WNK3: variants seen among roughly 807,000 people sequenced by gnomAD.
WNK3 encodes serine/threonine-protein kinase WNK3.
In WNK3, 18 loss-of-function variants were observed where a neutral mutation model predicts 116.7. The observed-to-expected ratio is 0.15, with a 90% CI of 0.11 to 0.23. The LOEUF (loss-of-function observed/expected upper bound fraction) is 0.23, where lower values mean the gene tolerates loss of function less well. Among genes scored for constraint, WNK3 ranks in the 10% least tolerant of loss-of-function variants. WNK3 has a pLI of 1.00. For missense variants in WNK3, 993 were observed against 1,323.8 expected, an observed-to-expected ratio of 0.75 and a Z score of 3.88; for synonymous variants, 404 against 469.4, an observed-to-expected ratio of 0.86 and a Z score of 1.80.
Position 54,356,466 on chromosome X carries a change from A to T in WNK3, c.-120+1220T>A, listed in dbSNP as rs143678883. Among the ~76,000 whole-genome samples, 388 of 110,794 alleles carry T rather than the reference A, an allele frequency of 3.5e-3. 2 individuals carry two copies. The highest frequency in any genetic ancestry group is 9.3e-3 in the Middle Eastern group (2 of 215). ...GCTGGGATTACAGGCACGCTCCACC[A>T]CGCCCGGCTAAGCTTTAGTGCATTT... On this transcript the variant is annotated intron_variant, in intron 1 of 23. Coordinates refer to ENST00000354646, the Ensembl canonical transcript of WNK3.
At chrX:54,327,258 C>A (rs1300821247) in intron 2 of WNK3, among the ~76,000 whole-genome samples, 1 of 111,378 alleles carries the variant, frequency 9.0e-6, no homozygotes, top group Non-Finnish European at 1.9e-5. Flanking sequence ...AGAATTATTA[C>A]ACAATTTGCC....
At chrX:54,238,773 GA>G in intron 18 of WNK3, 94 bp downstream of exon 18, 1 of 703,931 alleles carries the variant, frequency 1.4e-6, no homozygotes, top group Non-Finnish European at 2.0e-6. Flanking sequence ...GGGCTATGTG[GA>G]AAAAGTGGCA....
chrX:54,199,203 C>T (rs1175164899), intron 23 of WNK3, among the ~76,000 whole-genome samples: 4 of 110,241 alleles, frequency 3.6e-5, no homozygotes, highest in East Asian at 2.8e-4. Context: ...GCTCACATTC[C>T]GCATCTCGGT....
intron 1 of WNK3, among the ~76,000 whole-genome samples, chrX:54,338,208 G>A (rs1213931478): frequency 9.0e-6 from 1 of 110,712 alleles, no homozygotes; most frequent in Non-Finnish European, 1.9e-5. Flanking sequence ...GTTACCTGAG[G>A]TCAGAAGTTC....
chrX:54,247,511 T>G (rs1256147786), intron 17 of WNK3, among the ~76,000 whole-genome samples: 1 of 109,939 alleles, frequency 9.1e-6, no homozygotes, highest in Non-Finnish European at 1.9e-5. Flanking sequence ...TGTATCTATA[T>G]CTATATAAAG....
At chrX:54,293,224 C>G in exon 9 of WNK3, 1 of 1,210,743 alleles carries the variant, frequency 8.3e-7, no homozygotes, top group Non-Finnish European at 1.1e-6. Flanking sequence ...TATTAGAAAC[C>G]ATTTGAGAGC....
intron 2 of WNK3, among the ~76,000 whole-genome samples, chrX:54,321,678 G>A (rs1157155428): frequency 9.0e-6 from 1 of 111,396 alleles, no homozygotes; most frequent in Non-Finnish European, 1.9e-5. Flanking sequence ...AAAAGTGCTT[G>A]GCTGAGCGCG....
At position 54,326,129 on chromosome X, in the gene WNK3, T is replaced by C. The variant is rs1476392370; in HGVS notation, c.537+7008A>G. Among the ~76,000 whole-genome samples the C allele has an allele frequency of 1.3e-4, 14 of 107,683 alleles. No homozygotes were observed. In the Admixed American group the frequency reaches 1.4e-3, roughly 11 times the overall value. The allele number at this position is 107,683 out of a possible 115,157, so 93.5% of individuals were successfully genotyped here. A position where few individuals can be genotyped will look rare whatever the true frequency, so the allele number is the denominator to read the frequency against. Reference sequence around the variant, plus strand: ...TTTTTGAGATGAAGTCTCGCTCTGTTGCCCAGGCTGGAGTGCAGTAGCGTG... The same window carrying C: ...TTTTTGAGATGAAGTCTCGCTCTGTCGCCCAGGCTGGAGTGCAGTAGCGTG... On this transcript the variant is annotated intron_variant, in intron 2 of 23. Coordinates refer to ENST00000354646, the Ensembl canonical transcript of WNK3.
chrX:54,324,938 T>C (rs1254514590), intron 2 of WNK3, among the ~76,000 whole-genome samples: 2 of 112,340 alleles, frequency 1.8e-5, no homozygotes, highest in African/African-American at 6.4e-5. Context: ...GTAATAGGGC[T>C]AATGTCTCAA....
At chrX:54,237,407 T>A (rs1557150463) in exon 20 of WNK3, 1 of 1,209,752 alleles carries the variant, frequency 8.3e-7, no homozygotes, top group Non-Finnish European at 1.1e-6. Flanking sequence ...GGATTTTGTG[T>A]GGCAGGTTCT....
At chrX:54,325,725 T>C (rs1323427129) in intron 2 of WNK3, among the ~76,000 whole-genome samples, 2 of 98,541 alleles carry the variant, frequency 2.0e-5, no homozygotes, top group Non-Finnish European at 4.1e-5. Context: ...TTCCATTATA[T>C]GAAGAAAACA....
At position 54,213,427 on chromosome X, in the gene WNK3, G is replaced by A. The variant is rs2516041; in HGVS notation, c.4871-11234C>T. Among the ~76,000 whole-genome samples, 219 of 107,045 alleles carry A rather than the reference G, an allele frequency of 2.0e-3. 1 individual carries two copies. Among genetic ancestry groups the A allele is most frequent in the African/African-American group, 6.8e-3 (199 of 29,093 alleles). 93.0% of individuals were successfully genotyped at this position (107,045 alleles called of 115,157 possible). On this transcript the variant is annotated intron_variant, in intron 22 of 23. Coordinates refer to ENST00000354646, the Ensembl canonical transcript of WNK3. The stretch of plus-strand genomic sequence containing the variant: ...AAATTAGCTGGGCGAAGTGGTGGGC[G>A]CCTGTAATCTCTGCTACTCGGGAGG...
intron 10 of WNK3, among the ~76,000 whole-genome samples, chrX:54,267,211 GA>G (rs1348990688): frequency 9.0e-6 from 1 of 111,012 alleles, no homozygotes; most frequent in Non-Finnish European, 1.9e-5. Context: ...TACACCATAG[GA>G]AACTATGAAG....
At position 54,221,954 on chromosome X, in the gene WNK3, C is replaced by T. The variant is rs1355500085; in HGVS notation, c.4870+6760G>A. Among the ~76,000 whole-genome samples the T allele has an allele frequency of 2.7e-5, 3 of 111,516 alleles. No homozygotes were observed. The East Asian group carries it at 8.5e-4, about 31-fold the overall frequency. On this transcript the variant is annotated intron_variant, in intron 22 of 23. Coordinates refer to ENST00000354646, the Ensembl canonical transcript of WNK3. ...GGTGGATCACCTGAGGTCAGGAGTTCGAGACCAGCCTGGCTAATATGGTGA... is the reference window on the plus strand; with the variant it reads ...GGTGGATCACCTGAGGTCAGGAGTTTGAGACCAGCCTGGCTAATATGGTGA...
intron 10 of WNK3, among the ~76,000 whole-genome samples, chrX:54,277,569 C>T (rs1314736624): frequency 9.1e-6 from 1 of 110,191 alleles, no homozygotes. Context: ...ATCTCTTGAC[C>T]TCATGATCTG....
chrX:54,314,068 G>A (rs1325036772), intron 2 of WNK3, among the ~76,000 whole-genome samples: 4 of 108,033 alleles, frequency 3.7e-5, no homozygotes, highest in Admixed American at 3.0e-4. Context: ...TGGCACGTGC[G>A]TGTAATCCCA....
intron 21 of WNK3, among the ~76,000 whole-genome samples, chrX:54,232,111 G>GTATATATATA (rs1408295336): frequency 3.1e-5 from 3 of 95,585 alleles, no homozygotes; most frequent in African/African-American, 1.4e-4. Context: ...GTGTGTGTGT[G>GTATATATATA]TGTATATATA....
chrX:54,210,359 G>A lies in WNK3; in HGVS notation c.4871-8166C>T, dbSNP rs1027444241. ...TCGAGGGCCTGACATAGTGGCTCACGCCTGTAATCCCAATGACTCTGGAGG... is the reference window on the plus strand; with the variant it reads ...TCGAGGGCCTGACATAGTGGCTCACACCTGTAATCCCAATGACTCTGGAGG... On this transcript the variant is annotated intron_variant, in intron 22 of 23. Transcript: ENST00000354646. Among the ~76,000 whole-genome samples, 5 of 112,321 alleles carry A rather than the reference G, an allele frequency of 4.5e-5. No individual in the cohort carries two copies. The Admixed American group carries it at 4.7e-4, about 11-fold the overall frequency.
intron 1 of WNK3, among the ~76,000 whole-genome samples, chrX:54,334,745 A>G (rs2069212379): frequency 8.9e-6 from 1 of 112,240 alleles, no homozygotes; most frequent in South Asian, 3.7e-4. Flanking sequence ...ATTGTCAAAT[A>G]TTAATACACT....
Sources: gnomAD v4.1 joint callset for allele counts (sites outside exome capture counted in the v4.1 genomes callset) on GRCh38, gnomAD v4.1.1 for gene constraint, MANE v1.5 for transcripts, NCBI Gene and HGNC (gene_info 2026-07-23, HGNC 2026-07-21) for gene names.